Variants in CYP26B1 observed in about 807,000 individuals in gnomAD.
CYP26B1 encodes cytochrome P450 family 26 subfamily B member 1, also known as cytochrome P450 26B1.
CYP26B1 carries 8 observed loss-of-function variants against 39.1 expected under a neutral mutation model. The observed-to-expected ratio is 0.20, with a 90% CI of 0.12 to 0.37. CYP26B1 has a LOEUF of 0.37. CYP26B1 is among the 10% of genes least tolerant of loss of function. CYP26B1 has a pLI of 1.00. For missense variants in CYP26B1, 615 were observed against 707.0 expected, an observed-to-expected ratio of 0.87 and a Z score of 1.48; for synonymous variants, 321 against 314.3, an observed-to-expected ratio of 1.02 and a Z score of -0.23.
At chr2:72,138,808 G>A (rs1453018414) in intron 2 of CYP26B1, among the ~76,000 whole-genome samples, 5 of 151,908 alleles carry the variant, frequency 3.3e-5, no homozygotes, top group Non-Finnish European at 7.4e-5. Context: ...AAGCCCCCAA[G>A]GACACAATAG....
rs376229739 is a variant in CYP26B1, at chr2:72,132,563, G to T, written c.1203C>A (p.Asp401Glu). 3.1e-6 allele frequency: 5 copies of T among 1,610,802 alleles called. No homozygotes were observed. Among genetic ancestry groups the T allele is most frequent in the Non-Finnish European group, 4.2e-6 (5 of 1,178,076 alleles). The change falls in exon 6 of 6, where the codon GAC becomes GAA. Residue 401 changes from aspartate (D) to glutamate (E), a missense_variant. Physicochemically the swap from Asp to Glu is conservative, Grantham distance 45 (BLOSUM62 2). Transcript: ENST00000001146. ...TCACGTCTTTGAACACGGGCGCTGT[G>T]TCATGGGTGTCCCGGATGCTATACA... ...SVMYSIRDTH[D>E]TAPVFKDVNV...
chr2:72,135,074 A>G, intron 3 of CYP26B1, 70 bp downstream of exon 3: 6 of 1,607,390 alleles, frequency 3.7e-6, no homozygotes, highest in South Asian at 3.3e-5. Flanking sequence ...GGGTCAGGTC[A>G]GCCACCCACC....
At chr2:72,136,855 G>A (rs1371383917) in intron 2 of CYP26B1, among the ~76,000 whole-genome samples, 1 of 152,244 alleles carries the variant, frequency 6.6e-6, no homozygotes, top group Non-Finnish European at 1.5e-5. Context: ...TTGGGGGAAT[G>A]AGAGGGGGCA....
chr2:72,134,805 T>G lies in CYP26B1; in HGVS notation c.817A>C (p.Ser273Arg). The change falls in exon 4 of 6, where the codon AGC becomes CGC. Residue 273 changes from serine to arginine, a missense_variant. Ser to Arg is a moderately radical substitution (Grantham distance 110, BLOSUM62 -1). Transcript: ENST00000001146. ...YLDALDLLIE[S>R]SKEHGKEMTM... is the part of the protein sequence containing the mutation. ...ATCTCCTTCCCGTGCTCCTTGCTGC[T>G]CTCAATGAGGAGGTCCAGGGCGTCC... 1 of 1,614,146 alleles carries G rather than the reference T, an allele frequency of 6.2e-7. No individual in the cohort carries two copies. Among genetic ancestry groups the G allele is most frequent in the South Asian group, 1.1e-5 (1 of 91,084 alleles).
intron 1 of CYP26B1, chr2:72,144,507 A>G: frequency 8.5e-7 from 1 of 1,173,706 alleles, no homozygotes; most frequent in Non-Finnish European, 1.1e-6. Flanking sequence ...CTGGACCCGA[A>G]GCGGGAGTCT....
At chr2:72,145,055 G>T (rs1468720019) in intron 1 of CYP26B1, among the ~76,000 whole-genome samples, 6 of 152,078 alleles carry the variant, frequency 3.9e-5, no homozygotes, top group African/African-American at 1.4e-4. Context: ...CTTTGACGTC[G>T]GCACTAGTTA....
intron 1 of CYP26B1, among the ~76,000 whole-genome samples, chr2:72,146,337 A>G (rs974042097): frequency 4.7e-5 from 4 of 85,106 alleles, no homozygotes; most frequent in African/African-American, 1.8e-4. Context: ...GGCGAGGGAA[A>G]GGCTCTGGGG....
In CYP26B1 at chr2:72,135,385, T is replaced by A; in HGVS notation, c.464A>T (p.Glu155Val). The change falls in exon 3 of 6, where the codon GAG becomes GTG. Residue 155 changes from glutamate (E) to valine (V), a missense_variant. Physicochemically the swap from Glu to Val is moderately radical, Grantham distance 121. Transcript: ENST00000001146. ...FSKIFSHEAL[E>V]SYLPKIQLVI... Reference sequence around the variant, plus strand: ...CAGCTGGATCTTGGGCAGGTAACTCTCCAGGGCCTCGTGGCTGAAGATCTT... The same window carrying A: ...CAGCTGGATCTTGGGCAGGTAACTCACCAGGGCCTCGTGGCTGAAGATCTT... The A allele has an allele frequency of 6.2e-7, 1 of 1,613,204 alleles. No individual in the cohort carries two copies. Among genetic ancestry groups the A allele is most frequent in the Non-Finnish European group, 8.5e-7 (1 of 1,180,008 alleles).
rs765011052 is a variant in CYP26B1 at position 72,133,008 on chromosome 2, C to G, written c.1146+15G>C. 1.3e-5 allele frequency: 21 copies of G among 1,613,076 alleles called. No individual in the cohort carries two copies. Among genetic ancestry groups the G allele is most frequent in the Non-Finnish European group, 1.8e-5 (21 of 1,179,956 alleles). On this transcript the variant is annotated intron_variant, in intron 5 of 5. Coordinates refer to ENST00000001146, the MANE Select transcript of CYP26B1 (RefSeq NM_019885.4). The stretch of plus-strand genomic sequence containing the variant: ...TGCTCCCCCATCGCCCCCGGTGCCA[C>G]GGGCCCAGCCTCACATCAAGCTCGA...
At position 72,133,251 on chromosome 2, in the gene CYP26B1, G is replaced by C; in HGVS notation, c.918C>G (p.Thr306=). The C allele has an allele frequency of 1.9e-6, 3 of 1,611,762 alleles. No individual in the cohort carries two copies. The highest frequency in any genetic ancestry group is 2.5e-6 in the Non-Finnish European group (3 of 1,179,732). Residue 306 remains threonine, a synonymous_variant, in exon 5 of 6, where the codon ACC becomes ACG. Coordinates refer to ENST00000001146, the MANE Select transcript of CYP26B1 (RefSeq NM_019885.4). ...GCTTCAGCAGCTGCATGATGAGTGA[G>C]GTGCTGGCGCTGGCCGTGGTGGCAT... is the stretch of plus-strand genomic sequence containing the variant. ...AAYATTASAS[T]SLIMQLLKHP... is the part of the protein sequence containing the mutation.
chr2:72,144,911 T>C (rs114924635), intron 1 of CYP26B1, among the ~76,000 whole-genome samples: 4,175 of 151,876 alleles, frequency 0.027, 178 homozygotes, highest in African/African-American at 0.094. Context: ...AGATCCCCGG[T>C]GGTGGCGGCG....
chr2:72,137,827 A>G (rs1328981656), intron 2 of CYP26B1, among the ~76,000 whole-genome samples: 1 of 152,168 alleles, frequency 6.6e-6, no homozygotes, highest in Non-Finnish European at 1.5e-5. Context: ...CAAGGCCAGG[A>G]GCTAGAATAA....
rs1275473586 is a variant in CYP26B1 at position 72,138,944 on chromosome 2, A to G, written c.430-3525T>C. On this transcript the variant is annotated intron_variant, in intron 2 of 5. Coordinates refer to ENST00000001146, the MANE Select transcript of CYP26B1 (RefSeq NM_019885.4). Reference sequence around the variant, plus strand: ...TCCCTATCATTGTTTCTACAAAAGCATTCTCCCCAACCAGGCCTCCTCACC... The same window carrying G: ...TCCCTATCATTGTTTCTACAAAAGCGTTCTCCCCAACCAGGCCTCCTCACC... Among the ~76,000 whole-genome samples, 4 of 152,108 alleles carry G rather than the reference A, an allele frequency of 2.6e-5. No individual in the cohort carries two copies. The South Asian group carries it at 6.2e-4, about 24-fold the overall frequency.
chr2:72,141,529 C>T (rs556875586), intron 2 of CYP26B1, among the ~76,000 whole-genome samples: 3 of 152,338 alleles, frequency 2.0e-5, no homozygotes, highest in East Asian at 3.9e-4. Flanking sequence ...CTGGGCCCCA[C>T]TTCCTGCACG....
At position 72,147,634 on chromosome 2, in the gene CYP26B1, C is replaced by T; in HGVS notation, c.201G>A (p.Leu67=). Residue 67 remains leucine (L), a synonymous_variant, in exon 1 of 6, where the codon CTG becomes CTA. Transcript: ENST00000001146. This position sits in a 1 kb window ranked among gnomAD's most constrained non-coding sequence, Gnocchi z 6.1. ...PLIGETGHWL[L]QGSGFQSSRR... ...AGCGGAGCGAGCGCGCCCTTACCTGCAGCAGCCAGTGGCCGGTCTCTCCGA... is the reference window on the plus strand; with the variant it reads ...AGCGGAGCGAGCGCGCCCTTACCTGTAGCAGCCAGTGGCCGGTCTCTCCGA... 3 of 1,608,718 alleles carry T rather than the reference C, an allele frequency of 1.9e-6. No homozygotes were observed. The highest frequency in any genetic ancestry group is 2.5e-6 in the Non-Finnish European group (3 of 1,178,382).
rs375893162 is a variant in CYP26B1, at chr2:72,133,073, T to C, written c.1096A>G (p.Thr366Ala). 1.2e-6 allele frequency: 2 copies of C among 1,613,106 alleles called. No individual in the cohort carries two copies. The highest frequency in any genetic ancestry group is 1.3e-5 in the African/African-American group (1 of 74,934). Residue 366 changes from threonine (T) to alanine (A), a missense_variant, in exon 5 of 6, where the codon ACG becomes GCG. Physicochemically the swap from Thr to Ala is moderately conservative, Grantham distance 58 (BLOSUM62 0). Transcript: ENST00000001146. Reference protein sequence around the residue: ...CVIKEVMRLFTPISGGYRTVL... With the variant: ...CVIKEVMRLFAPISGGYRTVL... ...GTGCGGTAGCCGCCGGAAATGGGCGTGAACAGGCGCATGACCTCCTTGATG... is the reference window on the plus strand; with the variant it reads ...GTGCGGTAGCCGCCGGAAATGGGCGCGAACAGGCGCATGACCTCCTTGATG...
In CYP26B1 at chr2:72,135,202, T is replaced by G. The variant is rs1235310625; in HGVS notation, c.647A>C (p.Gln216Pro). 6.2e-7 allele frequency: 1 copy of G among 1,614,010 alleles called. No individual in the cohort carries two copies. Among genetic ancestry groups the G allele is most frequent in the Non-Finnish European group, 8.5e-7 (1 of 1,180,006 alleles). Reference protein sequence around the residue: ...DLGHLFEVYQQFVDNVFSLPV... With the variant: ...DLGHLFEVYQPFVDNVFSLPV... ...CAGGGAGAAGACATTGTCCACAAAC[T>G]GCTGGTAGACCTCAAAGAGGTGCCC... Residue 216 changes from glutamine to proline, a missense_variant, in exon 3 of 6, where the codon CAG becomes CCG. Gln to Pro is a moderately conservative substitution (Grantham distance 76). Transcript: ENST00000001146.
In CYP26B1 at chr2:72,134,806, C is replaced by G. The variant is rs1411170408; in HGVS notation, c.816G>C (p.Glu272Asp). ...TCTCCTTCCCGTGCTCCTTGCTGCT[C>G]TCAATGAGGAGGTCCAGGGCGTCCA... ...DYLDALDLLI[E>D]SSKEHGKEMT... Residue 272 changes from glutamate to aspartate, a missense_variant, in exon 4 of 6, where the codon GAG becomes GAC. By Grantham distance (45) the Glu-to-Asp change is conservative. Coordinates refer to ENST00000001146, the MANE Select transcript of CYP26B1 (RefSeq NM_019885.4). 1.2e-6 allele frequency: 2 copies of G among 1,614,080 alleles called. No individual in the cohort carries two copies. Among genetic ancestry groups the G allele is most frequent in the Non-Finnish European group, 1.7e-6 (2 of 1,180,026 alleles).
rs192197910 is a variant in CYP26B1, at chr2:72,132,458, G to A, written c.1308C>T (p.Gly436=). 8.1e-6 allele frequency: 13 copies of A among 1,613,302 alleles called. No individual in the cohort carries two copies. The highest frequency in any genetic ancestry group is 3.3e-5 in the Admixed American group (2 of 60,004). ...GCTTGCCCAGGCAGGTCCGGACACCGCCACCGAACGGGAGGTAATGGAAGC... is the reference window on the plus strand; with the variant it reads ...GCTTGCCCAGGCAGGTCCGGACACCACCACCGAACGGGAGGTAATGGAAGC... The part of the protein sequence containing the change: ...DGRFHYLPFG[G]GVRTCLGKHL... Residue 436 remains glycine (G), a synonymous_variant, in exon 6 of 6, where the codon GGC becomes GGT. Transcript: ENST00000001146.
Sources: allele counts gnomAD v4.1 joint callset (sites outside exome capture counted in the v4.1 genomes callset), GRCh38; gene constraint gnomAD v4.1.1; non-coding constraint Gnocchi (gnomAD v3.1); transcripts MANE v1.5; gene names NCBI Gene and HGNC (gene_info 2026-07-23, HGNC 2026-07-21).